The following IMPG2 variants were observed in gnomAD, a reference collection of about 807,000 sequenced individuals.
The protein encoded by IMPG2 is IPM 200.
A neutral mutation model predicts 129.2 loss-of-function variants in IMPG2; 91 were observed. The observed-to-expected ratio is 0.70, with a 90% confidence interval of 0.59 to 0.84. IMPG2 has a LOEUF of 0.84. Ranked by LOEUF, IMPG2 falls within the 40% of genes least tolerant of loss-of-function variation. The pLI is 0.00. For synonymous variants in IMPG2, 510 were observed against 517.7 expected (o/e 0.99, Z 0.20); for missense variants, 1,430 against 1,461.7 (o/e 0.98, Z 0.35).
chr3:101,279,002 A>G (rs367769352), intron 4 of IMPG2, among the ~76,000 whole-genome samples: 1 of 152,190 alleles, frequency 6.6e-6, no homozygotes, highest in African/African-American at 2.4e-5. Context: ...ACATTAACAT[A>G]ATCAGGCCTG....
chr3:101,232,286 G>A (rs944800163), intron 15 of IMPG2, among the ~76,000 whole-genome samples: 5 of 151,370 alleles, frequency 3.3e-5, no homozygotes, highest in African/African-American at 1.2e-4. Context: ...TGCCCAGGCT[G>A]GAGTGCAGTG....
At chr3:101,318,610 T>C (rs1373101868) in intron 2 of IMPG2, among the ~76,000 whole-genome samples, 1 of 152,162 alleles carries the variant, frequency 6.6e-6, no homozygotes, top group Non-Finnish European at 1.5e-5. Flanking sequence ...AAGGTTCATA[T>C]AATCCAGTGC....
At position 101,229,492 on chromosome 3, in the gene IMPG2, T is replaced by C. The variant is rs1450551237; in HGVS notation, c.3521A>G (p.Glu1174Gly). 2 of 1,613,568 alleles carry C rather than the reference T, an allele frequency of 1.2e-6. No individual in the cohort carries two copies. Among genetic ancestry groups the C allele is most frequent in the Admixed American group, 1.7e-5 (1 of 59,994 alleles). ...ESHRAGCEKYEGPYPQHPFYS... is the reference protein window; with the variant it reads ...ESHRAGCEKYGGPYPQHPFYS... ...GAAGGGATGCTGAGGATAGGGTCCC[T>C]CATACTTCTCACATCCAGCCCTGTG... Residue 1174 changes from glutamate (E) to glycine (G), a missense_variant, in exon 17 of 19, where the codon GAG becomes GGG. Coordinates refer to ENST00000193391, the MANE Select transcript of IMPG2 (RefSeq NM_016247.4).
At position 101,319,680 on chromosome 3, in the gene IMPG2, G is replaced by A. The variant is rs756818979; in HGVS notation, c.238C>T (p.Arg80Trp). The A allele has an allele frequency of 5.0e-6, 8 of 1,613,616 alleles. No homozygotes were observed. The highest frequency in any genetic ancestry group is 6.8e-6 in the Non-Finnish European group (8 of 1,179,778). The stretch of plus-strand genomic sequence containing the variant: ...CCATTAGGAAACAGAATAGATCTCC[G>A]CCTTCTGATTAACCACTGTCTTTCA... ...ETERQWLIRR[R>W]RSILFPNGVK... The change falls in exon 2 of 19, where the codon CGG (arginine) becomes TGG (tryptophan). Residue 80 changes from arginine (R) to tryptophan (W), a missense_variant. Arg to Trp is a moderately radical substitution (Grantham distance 101). Coordinates refer to ENST00000193391, the MANE Select transcript of IMPG2 (RefSeq NM_016247.4).
chr3:101,236,725 G>C (rs1033731914), intron 14 of IMPG2, among the ~76,000 whole-genome samples: 1 of 152,134 alleles, frequency 6.6e-6, no homozygotes, highest in African/African-American at 2.4e-5. Flanking sequence ...ATTCCCTTGG[G>C]TGCCTATACC....
intron 13 of IMPG2, among the ~76,000 whole-genome samples, chr3:101,243,192 C>G (rs1217430182): frequency 2.0e-5 from 3 of 152,202 alleles, no homozygotes; most frequent in Non-Finnish European, 4.4e-5. Flanking sequence ...ACTAAAGGAT[C>G]ACAACAGTGG....
chr3:101,281,028 G>A (rs1706888093), intron 4 of IMPG2, among the ~76,000 whole-genome samples: 1 of 151,948 alleles, frequency 6.6e-6, no homozygotes, highest in South Asian at 2.1e-4. Flanking sequence ...TAAATTAATT[G>A]AGACACACAC....
chr3:101,234,216 TAAG>T (rs1196080746), intron 14 of IMPG2, among the ~76,000 whole-genome samples: 1 of 150,278 alleles, frequency 6.7e-6, no homozygotes, highest in East Asian at 1.9e-4. Context: ...GGTGTCCTTA[TAAG>T]AAGAGGGAAA....
chr3:101,267,465 A>G lies in IMPG2; in HGVS notation c.908+46T>C, dbSNP rs186780094. On this transcript the variant is annotated intron_variant, in intron 9 of 18. Coordinates refer to ENST00000193391, the MANE Select transcript of IMPG2 (RefSeq NM_016247.4). ...ACCTACGGCCTGCTATATTTACTAAACTGTCTCCCAATTCAATGGACATTA... is the reference window on the plus strand; with the variant it reads ...ACCTACGGCCTGCTATATTTACTAAGCTGTCTCCCAATTCAATGGACATTA... The G allele has an allele frequency of 3.0e-5, 46 of 1,551,218 alleles. No homozygotes were observed. In the Admixed American group the frequency reaches 3.5e-4, roughly 12 times the overall value.
intron 2 of IMPG2, among the ~76,000 whole-genome samples, chr3:101,316,586 A>C (rs1238061977): frequency 6.6e-6 from 1 of 152,130 alleles, no homozygotes. Context: ...GGAATGGCTA[A>C]AGTTAAAAAA....
intron 1 of IMPG2, 146 bp from the exon 2 acceptor site, chr3:101,319,978 A>T: frequency 1.3e-6 from 1 of 799,178 alleles, no homozygotes; most frequent in Non-Finnish European, 2.0e-6. Flanking sequence ...TAAGGAAAAG[A>T]GGAGTGAGGC....
chr3:101,255,964 C>A (rs1706594325), intron 10 of IMPG2, among the ~76,000 whole-genome samples: 1 of 151,140 alleles, frequency 6.6e-6, no homozygotes, highest in Admixed American at 6.6e-5. Context: ...CACTTTGTGA[C>A]CCTGTCTCAG....
intron 9 of IMPG2, among the ~76,000 whole-genome samples, chr3:101,262,964 T>C (rs1354119901): frequency 6.6e-6 from 1 of 151,884 alleles, no homozygotes; most frequent in Non-Finnish European, 1.5e-5. Flanking sequence ...AAGGACATTG[T>C]ATAATAATAA....
At chr3:101,239,984 G>A (rs1349170569) in intron 14 of IMPG2, among the ~76,000 whole-genome samples, 1 of 151,902 alleles carries the variant, frequency 6.6e-6, no homozygotes, top group Admixed American at 6.6e-5. Flanking sequence ...TGGCTGATGG[G>A]TGCAGCAAAC....
chr3:101,228,964 T>C lies in IMPG2; in HGVS notation c.3634-88A>G, dbSNP rs1404458781. On this transcript the variant is annotated intron_variant, in intron 17 of 18. Transcript: ENST00000193391. Reference sequence around the variant, plus strand: ...AAGGGGTTCTAATTTTCATAAGGAATTGTTACATTCTGGGCTATTCAGAAG... The same window carrying C: ...AAGGGGTTCTAATTTTCATAAGGAACTGTTACATTCTGGGCTATTCAGAAG... The C allele has an allele frequency of 6.2e-6, 6 of 966,444 alleles. No individual in the cohort carries two copies. The Admixed American group carries it at 7.1e-5, about 11-fold the overall frequency. 59.9% of individuals were successfully genotyped at this position (966,444 alleles called of 1,614,324 possible).
intron 4 of IMPG2, among the ~76,000 whole-genome samples, chr3:101,284,295 A>G (rs948112076): frequency 2.0e-5 from 3 of 152,214 alleles, no homozygotes; most frequent in Admixed American, 6.5e-5. Context: ...GTTGTCTTCC[A>G]TCTTCTCAGT....
chr3:101,274,357 G>T (rs1706820462), intron 6 of IMPG2, among the ~76,000 whole-genome samples: 1 of 152,076 alleles, frequency 6.6e-6, no homozygotes, highest in African/African-American at 2.4e-5. Context: ...ATGATCATTT[G>T]AATTACAATG....
intron 9 of IMPG2, among the ~76,000 whole-genome samples, 185 bp downstream of exon 9, chr3:101,267,326 A>C (rs913396910): frequency 6.6e-6 from 1 of 152,164 alleles, no homozygotes; most frequent in Non-Finnish European, 1.5e-5. Context: ...ATGGCCTACA[A>C]AGTTTAAATT....
intron 7 of IMPG2, among the ~76,000 whole-genome samples, chr3:101,272,147 A>T (rs1057412487): frequency 2.0e-5 from 3 of 151,838 alleles, no homozygotes; most frequent in African/African-American, 7.3e-5. Context: ...ACACACAAAG[A>T]CTAATAGCTC....
Sources: allele counts gnomAD v4.1 joint callset (sites outside exome capture counted in the v4.1 genomes callset), GRCh38; gene constraint gnomAD v4.1.1; transcripts MANE v1.5; gene names NCBI Gene and HGNC (gene_info 2026-07-23, HGNC 2026-07-21).